The following EFCAB6 variants were observed in gnomAD, a reference collection of about 807,000 sequenced individuals.
The protein encoded by EFCAB6 is EF-hand calcium binding domain 6.
A neutral mutation model predicts 169.8 loss-of-function variants in EFCAB6; 156 were observed. That is an observed-to-expected ratio of 0.92 (90% CI 0.81 to 1.05). The LOEUF (loss-of-function observed/expected upper bound fraction) is 1.05, where lower values mean the gene tolerates loss of function less well. Among genes scored for constraint, EFCAB6 ranks in the 50% least tolerant of loss-of-function variants. The probability of loss-of-function intolerance (pLI) is 0.00; values close to 1 mark genes in which losing one functional copy is unlikely to be tolerated. For missense variants in EFCAB6, 1,800 were observed against 1,829.1 expected (o/e 0.98, Z 0.29); for synonymous variants, 698 against 676.4 (o/e 1.03, Z -0.50).
At chr22:43,736,749 C>T (rs1304133538) in intron 6 of EFCAB6, among the ~76,000 whole-genome samples, 1 of 152,062 alleles carries the variant, frequency 6.6e-6, no homozygotes, top group African/African-American at 2.4e-5. Context: ...GTGATGGAAG[C>T]CTTTCAACCC....
At chr22:43,709,841 T>C (rs1181304813) in intron 10 of EFCAB6, among the ~76,000 whole-genome samples, 1 of 152,204 alleles carries the variant, frequency 6.6e-6, no homozygotes. Flanking sequence ...TGGAAACATT[T>C]ACTCCTAGGG....
At chr22:43,599,990 T>A (rs2052375292) in intron 23 of EFCAB6, 79 bp downstream of exon 23, 1 of 1,445,252 alleles carries the variant, frequency 6.9e-7, no homozygotes, top group African/African-American at 1.4e-5. Context: ...GAAGGTACCA[T>A]TTTAAAATAA....
chr22:43,763,980 C>T (rs1241304475), intron 5 of EFCAB6, among the ~76,000 whole-genome samples: 2 of 152,128 alleles, frequency 1.3e-5, no homozygotes, highest in Non-Finnish European at 2.9e-5. Flanking sequence ...CCAGGCTGGT[C>T]TCAAACTCCT....
At chr22:43,690,650 C>A (rs2058378384) in intron 10 of EFCAB6, among the ~76,000 whole-genome samples, 1 of 152,026 alleles carries the variant, frequency 6.6e-6, no homozygotes, top group Non-Finnish European at 1.5e-5. Context: ...TGGCCCTGCT[C>A]ACCTCCCTAG....
At chr22:43,644,810 A>C (rs573281241) in intron 17 of EFCAB6, among the ~76,000 whole-genome samples, 1 of 152,354 alleles carries the variant, frequency 6.6e-6, no homozygotes, top group Admixed American at 6.5e-5. Context: ...AAAATGCTGA[A>C]CCTAAGTGCA....
intron 20 of EFCAB6, among the ~76,000 whole-genome samples, chr22:43,621,477 G>A (rs1288105551): frequency 4.6e-5 from 7 of 151,778 alleles, no homozygotes; most frequent in African/African-American, 1.5e-4. Context: ...AAGTCTTAAG[G>A]GAAATTAGAA....
intron 28 of EFCAB6, among the ~76,000 whole-genome samples, chr22:43,539,739 C>A (rs1050731182): frequency 2.0e-5 from 3 of 152,220 alleles, no homozygotes; most frequent in Non-Finnish European, 4.4e-5. Flanking sequence ...CTGTGTTCAA[C>A]TGGAAAATGG....
At chr22:43,731,997 G>A (rs1488750603) in intron 7 of EFCAB6, among the ~76,000 whole-genome samples, 186 bp from the exon 8 acceptor site, 1 of 151,944 alleles carries the variant, frequency 6.6e-6, no homozygotes, top group African/African-American at 2.4e-5. Flanking sequence ...CAGCTACTTC[G>A]AGATCACTTC....
intron 20 of EFCAB6, among the ~76,000 whole-genome samples, chr22:43,622,891 T>C (rs987104356): frequency 8.5e-5 from 13 of 152,190 alleles, no homozygotes; most frequent in Admixed American, 7.9e-4. Context: ...TTCTCAAGAA[T>C]GTATAAAAGA....
intron 27 of EFCAB6, among the ~76,000 whole-genome samples, chr22:43,544,779 C>G (rs1305401886): frequency 1.3e-5 from 2 of 150,974 alleles, no homozygotes; most frequent in African/African-American, 4.9e-5. Context: ...AACTAAGAAC[C>G]CTGAACAATA....
chr22:43,646,008 T>G (rs898759523), intron 17 of EFCAB6, among the ~76,000 whole-genome samples: 1 of 152,236 alleles, frequency 6.6e-6, no homozygotes, highest in African/African-American at 2.4e-5. Flanking sequence ...TACATACACA[T>G]GTAAAATCTC....
At chr22:43,776,270 T>C (rs1175508268) in intron 3 of EFCAB6, among the ~76,000 whole-genome samples, 1 of 152,094 alleles carries the variant, frequency 6.6e-6, no homozygotes, top group African/African-American at 2.4e-5. Flanking sequence ...CACTGACTTG[T>C]AAGGAAGTGG....
chr22:43,547,714 G>A (rs551958723), intron 27 of EFCAB6, among the ~76,000 whole-genome samples: 47 of 151,306 alleles, frequency 3.1e-4, no homozygotes, highest in African/African-American at 8.3e-4. Context: ...GTAGTGAGCC[G>A]TGATCATGCC....
chr22:43,650,920 C>T (rs2056436695), intron 17 of EFCAB6, among the ~76,000 whole-genome samples: 1 of 152,152 alleles, frequency 6.6e-6, no homozygotes, highest in Non-Finnish European at 1.5e-5. Context: ...AATTTCTAGG[C>T]AGCAAAGCAT....
intron 12 of EFCAB6, among the ~76,000 whole-genome samples, chr22:43,683,133 C>T (rs1433991275): frequency 6.6e-6 from 1 of 152,184 alleles, no homozygotes; most frequent in Admixed American, 6.5e-5. Flanking sequence ...ATTCACCCTG[C>T]TCCTCACTGT....
In EFCAB6 at chr22:43,540,250, A is replaced by G. The variant is rs1263350693; in HGVS notation, c.3756T>C (p.Thr1252=). 6.2e-7 allele frequency: 1 copy of G among 1,614,236 alleles called. No individual in the cohort carries two copies. The highest frequency in any genetic ancestry group is 1.7e-5 in the Admixed American group (1 of 60,034). ...SSETAATPMA[T]GDSAVAQRGS... is the part of the protein sequence containing the mutation. ...CTCTCTGGGCCACGGCCGAGTCACC[A>G]GTGGCCATTGGTGTGGCTGCTGTCT... Residue 1252 remains threonine (T), a synonymous_variant, in exon 28 of 32, where the codon ACT becomes ACC. Coordinates refer to ENST00000262726, the MANE Select transcript of EFCAB6 (RefSeq NM_022785.4).
At chr22:43,707,115 C>T (rs1410714319) in intron 10 of EFCAB6, among the ~76,000 whole-genome samples, 2 of 151,910 alleles carry the variant, frequency 1.3e-5, no homozygotes, top group African/African-American at 4.8e-5. Context: ...AGTGTAGGCT[C>T]AAAGGGAATG....
chr22:43,802,400 A>G, intron 2 of EFCAB6: 1 of 199,894 alleles, frequency 5.0e-6, no homozygotes, highest in Non-Finnish European at 1.0e-5. Flanking sequence ...CATGGTGGGG[A>G]GTGCCTGTAA....
Position 43,777,333 on chromosome 22 carries a change from A to G in EFCAB6, c.140-4230T>C, listed in dbSNP as rs138686025. ...GAGCTTAGTGGGGAAGTGAGGATGG[A>G]GCTATCATTTTGGTTACAGGTGGCA... On this transcript the variant is annotated intron_variant, in intron 3 of 31. Coordinates refer to ENST00000262726, the MANE Select transcript of EFCAB6 (RefSeq NM_022785.4). Among the ~76,000 whole-genome samples, 16 of 152,240 alleles carry G rather than the reference A, an allele frequency of 1.1e-4. No individual in the cohort carries two copies. In the Middle Eastern group the frequency reaches 0.014, roughly 129 times the overall value.
Sources: allele counts gnomAD v4.1 joint callset (sites outside exome capture counted in the v4.1 genomes callset), GRCh38; gene constraint gnomAD v4.1.1; transcripts MANE v1.5; gene names NCBI Gene and HGNC (gene_info 2026-07-23, HGNC 2026-07-21).